The following SLC28A1 variants were observed in gnomAD, a reference collection of about 807,000 sequenced individuals.
SLC28A1 encodes the protein sodium/nucleoside cotransporter 1.
In SLC28A1, 64 loss-of-function variants were observed where a neutral mutation model predicts 74.8. The observed-to-expected ratio is 0.86, with a 90% CI of 0.70 to 1.05. SLC28A1 has a LOEUF of 1.05. SLC28A1 is among the 50% of genes least tolerant of loss of function. SLC28A1 has a pLI of 0.00. For missense variants in SLC28A1, 828 were observed against 822.8 expected, an observed-to-expected ratio of 1.01 and a Z score of -0.08; for synonymous variants, 359 against 335.0, an observed-to-expected ratio of 1.07 and a Z score of -0.78.
At chr15:84,908,882 C>T (rs1242196802) in intron 9 of SLC28A1, 87 bp downstream of exon 9, 1 of 1,097,830 alleles carries the variant, frequency 9.1e-7, no homozygotes, top group Non-Finnish European at 1.4e-6. Context: ...GGTGGGGGCC[C>T]AGGTGGAGGG....
At chr15:84,948,759 C>A (rs868310548), downstream of SLC28A1, among the ~76,000 whole-genome samples, 1 of 152,132 alleles carries the variant, frequency 6.6e-6, no homozygotes, top group Non-Finnish European at 1.5e-5. Flanking sequence ...TGTTAACCCC[C>A]GATTCTGCTT....
At chr15:84,967,339 T>A in the SLC28A1 span, among the ~76,000 whole-genome samples, 1 of 152,304 alleles carries the variant, frequency 6.6e-6, no homozygotes, top group Admixed American at 6.5e-5. Context: ...ACCCCCCACC[T>A]CACCAAAGGC....
intron 9 of SLC28A1, among the ~76,000 whole-genome samples, chr15:84,911,426 G>A (rs12908708): frequency 0.15 from 22,180 of 152,184 alleles, 2,032 homozygotes; most frequent in Non-Finnish European, 0.19. Flanking sequence ...GTGAGTTGGC[G>A]CAGAGCCAGA....
intron 9 of SLC28A1, among the ~76,000 whole-genome samples, chr15:84,913,937 G>T (rs1968715240): frequency 6.6e-6 from 1 of 152,102 alleles, no homozygotes; most frequent in Admixed American, 6.6e-5. Context: ...GCTCTCTGGA[G>T]CCTCTTTTAT....
chr15:84,895,443 G>C (rs752616103), intron 6 of SLC28A1: 1 of 1,613,704 alleles, frequency 6.2e-7, no homozygotes, highest in African/African-American at 1.3e-5. Context: ...TGGACAGTGT[G>C]AGACAAAAAG....
the SLC28A1 span, among the ~76,000 whole-genome samples, chr15:84,965,905 G>A: frequency 1.8e-4 from 27 of 150,800 alleles, no homozygotes; most frequent in Non-Finnish European, 2.7e-4. Flanking sequence ...AGGCGGGGAG[G>A]GGGGGGAAAT....
chr15:84,915,089 T>A (rs933419876), intron 9 of SLC28A1, among the ~76,000 whole-genome samples: 2 of 152,098 alleles, frequency 1.3e-5, no homozygotes, highest in Admixed American at 6.5e-5. Flanking sequence ...GGACAAGCAG[T>A]CTAGACAGTA....
the SLC28A1 span, among the ~76,000 whole-genome samples, chr15:84,973,266 C>T: frequency 2.2e-3 from 340 of 152,268 alleles, 1 homozygote; most frequent in Non-Finnish European, 2.1e-3. Flanking sequence ...TCAGACTTAT[C>T]CCCCTAGTCC....
chr15:84,891,022 G>A (rs1394328133), intron 5 of SLC28A1, among the ~76,000 whole-genome samples: 1 of 152,226 alleles, frequency 6.6e-6, no homozygotes, highest in Non-Finnish European at 1.5e-5. Context: ...AGTGTCAGGG[G>A]ATGGGGCTGG....
At position 84,887,726 on chromosome 15, in the gene SLC28A1, T is replaced by TC. The variant is rs779760253; in HGVS notation, c.-16-16dup. 7 of 1,607,438 alleles carry TC rather than the reference T, an allele frequency of 4.4e-6. No individual in the cohort carries two copies. The highest frequency in any genetic ancestry group is 6.0e-6 in the Non-Finnish European group (7 of 1,174,262). On this transcript the variant is annotated intron_variant, in intron 2 of 18. Coordinates refer to ENST00000394573, the MANE Select transcript of SLC28A1 (RefSeq NM_004213.5). ...CGGCCTCCCTTTCAGCGTTGGGCGC[T>TC]CCCTGATTTGTCTTTCAGCTGGAAG...
intron 14 of SLC28A1, 37 bp from the exon 15 acceptor site, chr15:84,935,284 C>T: frequency 6.2e-7 from 1 of 1,613,268 alleles, no homozygotes; most frequent in Non-Finnish European, 8.5e-7. Flanking sequence ...GAGCCCAGGC[C>T]CAGCCCTCGG....
intron 11 of SLC28A1, among the ~76,000 whole-genome samples, chr15:84,923,212 G>A (rs12438099): frequency 0.18 from 27,720 of 152,086 alleles, 2,642 homozygotes; most frequent in Admixed American, 0.21. Flanking sequence ...TGCTGGGATT[G>A]CAGGCGTGAG....
chr15:84,951,758 G>A, the SLC28A1 span, among the ~76,000 whole-genome samples: 2 of 152,076 alleles, frequency 1.3e-5, no homozygotes, highest in Non-Finnish European at 2.9e-5. Flanking sequence ...TCCTAAATGG[G>A]CCCGCTCCTT....
At chr15:84,933,112 G>C (rs1468720046) in intron 12 of SLC28A1, 33 bp from the exon 13 acceptor site, 1 of 1,610,716 alleles carries the variant, frequency 6.2e-7, no homozygotes, top group Admixed American at 1.7e-5. Flanking sequence ...TCTTCTGACT[G>C]TCCACCTAGA....
chr15:84,887,152 A>G (rs963784511), intron 2 of SLC28A1, among the ~76,000 whole-genome samples: 4 of 152,192 alleles, frequency 2.6e-5, no homozygotes, highest in Non-Finnish European at 5.9e-5. Context: ...AGGATGTTGC[A>G]CCTCCATCTT....
the SLC28A1 span, among the ~76,000 whole-genome samples, chr15:84,965,838 C>A: frequency 2.0e-4 from 31 of 151,356 alleles, no homozygotes; most frequent in Admixed American, 1.5e-3. Flanking sequence ...ATTGTGGAGC[C>A]CCAAGTGGAA....
At chr15:84,969,103 A>G in the SLC28A1 span, among the ~76,000 whole-genome samples, 2 of 152,198 alleles carry the variant, frequency 1.3e-5, no homozygotes, top group African/African-American at 4.8e-5. Context: ...TAGTAATGAT[A>G]TGACTCTGGT....
intron 9 of SLC28A1, 86 bp downstream of exon 9, chr15:84,908,881 C>T: frequency 1.8e-6 from 2 of 1,116,532 alleles, no homozygotes; most frequent in Non-Finnish European, 2.7e-6. Context: ...TGGTGGGGGC[C>T]CAGGTGGAGG....
intron 6 of SLC28A1, among the ~76,000 whole-genome samples, 185 bp from the exon 7 acceptor site, chr15:84,903,912 G>C (rs1348641104): frequency 6.6e-6 from 1 of 152,204 alleles, no homozygotes; most frequent in Non-Finnish European, 1.5e-5. Flanking sequence ...TCTGCCTGAG[G>C]TCACACAGCG....
Sources: allele counts gnomAD v4.1 joint callset (sites outside exome capture counted in the v4.1 genomes callset), GRCh38; gene constraint gnomAD v4.1.1; transcripts MANE v1.5; gene names NCBI Gene and HGNC (gene_info 2026-07-23, HGNC 2026-07-21).